TTC17: variants seen among roughly 807,000 people sequenced by gnomAD.
TTC17 encodes the protein tetratricopeptide repeat protein 17.
TTC17 carries 58 observed loss-of-function variants against 143.8 expected under a neutral mutation model. The observed-to-expected ratio is 0.40, with a 90% CI of 0.33 to 0.50. The LOEUF is 0.50. Ranked by LOEUF, TTC17 falls within the 20% of genes least tolerant of loss-of-function variation. TTC17 has a pLI of 0.49. For missense variants in TTC17, 1,273 were observed against 1,392.5 expected (o/e 0.91, Z 1.37); for synonymous variants, 501 against 497.8 (o/e 1.01, Z -0.09).
chr11:43,409,021 G>C (rs990993450), intron 15 of TTC17, among the ~76,000 whole-genome samples: 18 of 152,078 alleles, frequency 1.2e-4, no homozygotes, highest in African/African-American at 4.3e-4. Context: ...GGGATTACAG[G>C]CATGCACCAC....
rs751281746 is a variant in TTC17, at chr11:43,405,888, A to T, written c.1698A>T (p.Leu566Phe). The T allele has an allele frequency of 7.4e-6, 12 of 1,614,042 alleles. No individual in the cohort carries two copies. The highest frequency in any genetic ancestry group is 1.0e-5 in the Non-Finnish European group (12 of 1,179,920). Residue 566 changes from leucine (L) to phenylalanine (F), a missense_variant, in exon 13 of 24, where the codon TTA becomes TTT. Leu to Phe is a conservative substitution (Grantham distance 22, BLOSUM62 0). This residue lies in a region of TTC17 where 878 missense variants were observed against 899.8 expected (regional missense o/e 0.98). Transcript: ENST00000039989. ...DFRKSHTLSY[L>F]VKELEVRMDL... is the part of the protein sequence containing the mutation. ...GAAAAAGCCACACTCTGTCCTACTT[A>T]GTCAAAGAATTAGAGGTTCGCATGG...
At position 43,447,931 on chromosome 11, in the gene TTC17, A is replaced by G. The variant is rs371836109; in HGVS notation, c.2666-71A>G. 38 of 1,565,206 alleles carry G rather than the reference A, an allele frequency of 2.4e-5. No individual in the cohort carries two copies. In the East Asian group the frequency reaches 4.1e-4, roughly 17 times the overall value. ...ATACACCAATCCAGGTGAAGTAATC[A>G]CCAGGGCATAAGGCCCTTTGGGTTC... On this transcript the variant is annotated intron_variant, in intron 18 of 23. Transcript: ENST00000039989.
chr11:43,407,191 T>C lies in TTC17; in HGVS notation c.1815T>C (p.Ser605=), dbSNP rs773276088. Residue 605 remains serine, a synonymous_variant, in exon 14 of 24, where the codon TCT becomes TCC. Transcript: ENST00000039989. ...CTATCCCAGAAGAAGAAATTGGGTC[T>C]TTCTTATTTCATGCTATTAATAAGG... ...NYTIPEEEIG[S]FLFHAINKPN... 6.3e-7 allele frequency: 1 copy of C among 1,598,988 alleles called. No individual in the cohort carries two copies. Among genetic ancestry groups the C allele is most frequent in the Admixed American group, 1.8e-5 (1 of 56,492 alleles).
chr11:43,376,535 G>T (rs527670400), intron 1 of TTC17, among the ~76,000 whole-genome samples: 2 of 152,284 alleles, frequency 1.3e-5, no homozygotes, highest in Non-Finnish European at 2.9e-5. Context: ...AAAGTGCTTT[G>T]AGATCTTGTG....
At chr11:43,442,267 G>T (rs1444984824) in intron 16 of TTC17, among the ~76,000 whole-genome samples, 1 of 152,166 alleles carries the variant, frequency 6.6e-6, no homozygotes, top group Non-Finnish European at 1.5e-5. Context: ...TCATTATGTG[G>T]TGCATGGCTA....
rs746003084 is a variant in TTC17 at position 43,404,074 on chromosome 11, A to G, written c.1409A>G (p.Asp470Gly). 2 of 1,613,290 alleles carry G rather than the reference A, an allele frequency of 1.2e-6. No individual in the cohort carries two copies. Among genetic ancestry groups the G allele is most frequent in the Non-Finnish European group, 1.7e-6 (2 of 1,179,604 alleles). Residue 470 changes from aspartate to glycine, a missense_variant, in exon 11 of 24, where the codon GAT becomes GGT. Coordinates refer to ENST00000039989, the MANE Select transcript of TTC17 (RefSeq NM_018259.6). Reference protein sequence around the residue: ...DVQSNQSDINDSVKSSPVAHS... With the variant: ...DVQSNQSDINGSVKSSPVAHS... ...CAATCAAATCAGAGTGATATCAATGATTCGGTCAAGTCTTCTCCCGTAGCC... is the reference window on the plus strand; with the variant it reads ...CAATCAAATCAGAGTGATATCAATGGTTCGGTCAAGTCTTCTCCCGTAGCC...
chr11:43,469,170 C>T (rs1293060372), intron 21 of TTC17, among the ~76,000 whole-genome samples: 1 of 152,076 alleles, frequency 6.6e-6, no homozygotes, highest in Non-Finnish European at 1.5e-5. Context: ...CAGTGAAATA[C>T]CAGTTCATAC....
At chr11:43,367,845 A>G (rs182792674) in intron 1 of TTC17, among the ~76,000 whole-genome samples, 86 of 152,016 alleles carry the variant, frequency 5.7e-4, no homozygotes, top group Middle Eastern at 6.8e-3. Context: ...CTTCATCCCT[A>G]TAACTCTTGT....
In TTC17 at chr11:43,492,031, G is replaced by A. The variant is rs1412047770; in HGVS notation, c.3162G>A (p.Leu1054=). 1 of 1,613,976 alleles carries A rather than the reference G, an allele frequency of 6.2e-7. No individual in the cohort carries two copies. Among genetic ancestry groups the A allele is most frequent in the Non-Finnish European group, 8.5e-7 (1 of 1,179,924 alleles). The change falls in exon 23 of 24, where the codon CTG becomes CTA. Residue 1054 remains leucine (L), a synonymous_variant. Coordinates refer to ENST00000039989, the MANE Select transcript of TTC17 (RefSeq NM_018259.6). ...CCTTCTTCTCCCAGGATGTGCCCCTGATTAGCCTGGCCAACATCTTGCACA... is the reference window on the plus strand; with the variant it reads ...CCTTCTTCTCCCAGGATGTGCCCCTAATTAGCCTGGCCAACATCTTGCACA... ...YAPHQMKDVP[L]ISLANILHNA... is the part of the protein sequence containing the mutation.
intron 21 of TTC17, among the ~76,000 whole-genome samples, chr11:43,472,610 A>C (rs1948112176): frequency 6.6e-6 from 1 of 152,190 alleles, no homozygotes; most frequent in Non-Finnish European, 1.5e-5. Context: ...TGATAGAATT[A>C]AGCAGACAAA....
At chr11:43,361,919 A>G (rs1856120766) in intron 1 of TTC17, among the ~76,000 whole-genome samples, 1 of 152,060 alleles carries the variant, frequency 6.6e-6, no homozygotes, top group African/African-American at 2.4e-5. Flanking sequence ...TGTTTTCCAC[A>G]GTGATCATAA....
rs773031512 is a variant in TTC17 at position 43,414,546 on chromosome 11, A to C, written c.2065-44A>C. 10 of 1,567,574 alleles carry C rather than the reference A, an allele frequency of 6.4e-6. 1 individual carries two copies. Among genetic ancestry groups the C allele is most frequent in the South Asian group, 4.7e-5 (4 of 85,380 alleles). Reference sequence around the variant, plus strand: ...TGTAAACGTTTTGTAACTCCCAGAAAATATTAGTTCATTAACATTTTGCCG... The same window carrying C: ...TGTAAACGTTTTGTAACTCCCAGAACATATTAGTTCATTAACATTTTGCCG... On this transcript the variant is annotated intron_variant, in intron 15 of 23. Transcript: ENST00000039989.
intron 21 of TTC17, among the ~76,000 whole-genome samples, chr11:43,479,371 A>G (rs1357785523): frequency 6.6e-6 from 1 of 152,376 alleles, no homozygotes; most frequent in East Asian, 1.9e-4. Context: ...TTTAAAAAGC[A>G]AATTAGCCAT....
chr11:43,430,941 C>T (rs544668582), intron 16 of TTC17, among the ~76,000 whole-genome samples: 8 of 152,034 alleles, frequency 5.3e-5, no homozygotes, highest in Non-Finnish European at 1.0e-4. Flanking sequence ...CCCCTAGCCA[C>T]CACCCCCTGA....
At chr11:43,411,603 C>G (rs1294287090) in intron 15 of TTC17, among the ~76,000 whole-genome samples, 1 of 152,168 alleles carries the variant, frequency 6.6e-6, no homozygotes, top group Non-Finnish European at 1.5e-5. Context: ...AGTAAATACT[C>G]ACTACTTATT....
At chr11:43,387,058 A>G (rs1206644441) in intron 2 of TTC17, among the ~76,000 whole-genome samples, 1 of 152,212 alleles carries the variant, frequency 6.6e-6, no homozygotes, top group East Asian at 1.9e-4. Context: ...TGCTAAGATT[A>G]TAGGCACAAG....
chr11:43,369,963 A>G, intron 1 of TTC17: 2 of 414,504 alleles, frequency 4.8e-6, no homozygotes, highest in Middle Eastern at 5.4e-4. Flanking sequence ...TCAAAAAGTC[A>G]TAATTAACAA....
chr11:43,482,239 A>C (rs1273942443), intron 21 of TTC17, among the ~76,000 whole-genome samples: 2 of 143,362 alleles, frequency 1.4e-5, no homozygotes, highest in African/African-American at 2.5e-5. Context: ...TTTGCTTTTC[A>C]TTTTTTAGGT....
chr11:43,492,423 A>G (rs931536524), intron 23 of TTC17, among the ~76,000 whole-genome samples: 1 of 152,168 alleles, frequency 6.6e-6, no homozygotes, highest in Admixed American at 6.5e-5. Flanking sequence ...AGATTTACCT[A>G]CAGTTTCCTG....
Sources: allele counts gnomAD v4.1 joint callset (sites outside exome capture counted in the v4.1 genomes callset), GRCh38; gene constraint gnomAD v4.1.1; regional missense constraint gnomAD v4.1.1; transcripts MANE v1.5; gene names NCBI Gene and HGNC (gene_info 2026-07-23, HGNC 2026-07-21).